The following DVL1 variants were observed in gnomAD, a reference collection of about 807,000 sequenced individuals.
DVL1 encodes the protein dishevelled segment polarity protein 1, also known as segment polarity protein dishevelled homolog DVL-1.
Under a neutral mutation model 65.0 loss-of-function variants are expected in DVL1, and 49 were observed. That is an observed-to-expected ratio of 0.75 (90% CI 0.60 to 0.96). The LOEUF is 0.96. Ranked by LOEUF, DVL1 falls within the 40% of genes least tolerant of loss-of-function variation. DVL1 has a pLI of 0.00. For synonymous variants in DVL1, 608 were observed against 433.9 expected (o/e 1.40, Z -4.99); for missense variants, 1,197 against 1,045.4 (o/e 1.15, Z -2.00).
chr1:1,339,730 C>G lies in DVL1; in HGVS notation c.986+6G>C. 1 of 1,613,124 alleles carries G rather than the reference C, an allele frequency of 6.2e-7. No individual in the cohort carries two copies. The highest frequency in any genetic ancestry group is 8.5e-7 in the Non-Finnish European group (1 of 1,179,914). Reference sequence around the variant, plus strand: ...CCCCTCCCGCTCCAGCGCCCCCAGCCCTCACCCCGTCTGGGAAACGATCTC... The same window carrying G: ...CCCCTCCCGCTCCAGCGCCCCCAGCGCTCACCCCGTCTGGGAAACGATCTC... On this transcript the variant is annotated splice_donor_region_variant and intron_variant, in intron 9 of 14. Coordinates refer to ENST00000378888, the MANE Select transcript of DVL1 (RefSeq NM_001330311.2).
Position 1,341,689 on chromosome 1 carries a change from C to A in DVL1, c.583G>T (p.Asp195Tyr). ...ELESSSFVDS[D>Y]EDGSTSRLSS... ...CACCTGCTCGTGCTGCCATCCTCGT[C>A]CGAGTCCACAAAGCTGCTGGACTCA... The change falls in exon 5 of 15, where the codon GAC becomes TAC. Residue 195 changes from aspartate (D) to tyrosine (Y), a missense_variant. Coordinates refer to ENST00000378888, the MANE Select transcript of DVL1 (RefSeq NM_001330311.2). 1 of 1,609,096 alleles carries A rather than the reference C, an allele frequency of 6.2e-7. No individual in the cohort carries two copies. Among genetic ancestry groups the A allele is most frequent in the South Asian group, 1.1e-5 (1 of 90,926 alleles).
intron 14 of DVL1, among the ~76,000 whole-genome samples, chr1:1,337,388 C>T (rs1222547256): frequency 2.6e-5 from 4 of 152,164 alleles, no homozygotes; most frequent in Non-Finnish European, 5.9e-5. Context: ...TCTGGATCCC[C>T]GGCCCCTAAA....
At chr1:1,339,515 G>A (rs1360703540) in intron 10 of DVL1, 67 bp downstream of exon 10, 2 of 1,552,874 alleles carry the variant, frequency 1.3e-6, no homozygotes, top group South Asian at 1.2e-5. Context: ...GCACAGAGGA[G>A]AGAGGCCTTC....
intron 1 of DVL1, among the ~76,000 whole-genome samples, chr1:1,347,195 C>T (rs1029375196): frequency 1.3e-5 from 2 of 152,086 alleles, no homozygotes; most frequent in African/African-American, 4.8e-5. Context: ...CACAGCCCAG[C>T]CCAGCCCAGC....
intron 1 of DVL1, among the ~76,000 whole-genome samples, chr1:1,347,758 A>G (rs1643939556): frequency 6.6e-6 from 1 of 152,156 alleles, no homozygotes; most frequent in African/African-American, 2.4e-5. Flanking sequence ...CCTCCTGCCC[A>G]ACCTGACCGG....
In DVL1 at chr1:1,349,368, G is replaced by C. The variant is rs1198409565; in HGVS notation, c.-303C>G. On this transcript the variant is annotated 5_prime_UTR_variant, in exon 1 of 15. Transcript: ENST00000378888. The surrounding 1 kb of genome is among the most constrained non-coding windows in gnomAD (Gnocchi z 4.1). ...CGCCGCCCTCCCGCCTGCGCCCCTC[G>C]GGCCGCGCCGTTAAAGGGACCGCCC... The C allele has an allele frequency of 1.4e-5, 2 of 145,510 alleles. No homozygotes were observed. Among genetic ancestry groups the C allele is most frequent in the Non-Finnish European group, 1.5e-5 (1 of 65,504 alleles). 9.0% of individuals were successfully genotyped at this position (145,510 alleles called of 1,614,324 possible).
Position 1,335,363 on chromosome 1 carries a change from A to T in DVL1, c.*779T>A, listed in dbSNP as rs1221950124. The T allele has an allele frequency of 6.6e-6, 1 of 152,296 alleles. No homozygotes were observed. The highest frequency in any genetic ancestry group is 2.4e-5 in the African/African-American group (1 of 41,456). 9.4% of individuals were successfully genotyped at this position (152,296 alleles called of 1,614,324 possible). On this transcript the variant is annotated 3_prime_UTR_variant, in exon 15 of 15. Coordinates refer to ENST00000378888, the MANE Select transcript of DVL1 (RefSeq NM_001330311.2). Reference sequence around the variant, plus strand: ...CTATGTTAACCATCTAAACGCTGGGACTTTGATACAGTATCTACAGCACAG... The same window carrying T: ...CTATGTTAACCATCTAAACGCTGGGTCTTTGATACAGTATCTACAGCACAG...
intron 1 of DVL1, among the ~76,000 whole-genome samples, chr1:1,347,875 G>C (rs1643942006): frequency 1.3e-5 from 2 of 152,210 alleles, no homozygotes; most frequent in African/African-American, 4.8e-5. Flanking sequence ...GGTGGGGAAG[G>C]AAAGTACAGC....
chr1:1,335,862 T>G lies in DVL1; in HGVS notation c.*280A>C. The G allele has an allele frequency of 1.9e-6, 1 of 513,750 alleles. No homozygotes were observed. Among genetic ancestry groups the G allele is most frequent in the South Asian group, 2.4e-5 (1 of 41,646 alleles). The allele number at this position is 513,750 out of a possible 1,614,324, so 31.8% of individuals were successfully genotyped here. A position where few individuals can be genotyped will look rare whatever the true frequency, so the allele number is the denominator to read the frequency against. On this transcript the variant is annotated 3_prime_UTR_variant, in exon 15 of 15. Coordinates refer to ENST00000378888, the MANE Select transcript of DVL1 (RefSeq NM_001330311.2). ...GGGGTCAGCCGAGAGCCCGAGGGGG[T>G]CTTCCTCATCCCAGGAGGGATCCCC... is the stretch of plus-strand genomic sequence containing the variant.
intron 14 of DVL1, chr1:1,337,621 A>G: frequency 2.3e-6 from 1 of 440,018 alleles, no homozygotes; most frequent in Admixed American, 3.4e-5. Flanking sequence ...CACCCCTACC[A>G]GGCACAGCCG....
chr1:1,345,658 C>T (rs1035364989), intron 1 of DVL1, among the ~76,000 whole-genome samples: 5 of 152,174 alleles, frequency 3.3e-5, no homozygotes, highest in Non-Finnish European at 7.4e-5. Context: ...GAGGCAGCGC[C>T]CTGGGAGCCA....
intron 14 of DVL1, 193 bp downstream of exon 14, chr1:1,337,784 C>A: frequency 1.4e-6 from 1 of 708,662 alleles, no homozygotes; most frequent in Admixed American, 2.0e-5. Flanking sequence ...AAGGAGCCCA[C>A]CCAGGGCCCA....
At chr1:1,340,891 GCACACGCACGCATGAA>G (rs1009560593) in intron 5 of DVL1, among the ~76,000 whole-genome samples, 21 of 130,012 alleles carry the variant, frequency 1.6e-4, no homozygotes, top group Non-Finnish European at 3.0e-4. Context: ...GCACACCCCT[GCACACGCACGCATGAA>G]CACACGCACA....
rs575382437 is a variant in DVL1 at position 1,342,899 on chromosome 1, G to A, written c.171-141C>T. The A allele has an allele frequency of 2.7e-3, 2,065 of 768,120 alleles. 5 individuals are homozygous for A. Among genetic ancestry groups the A allele is most frequent in the Non-Finnish European group, 3.4e-3 (1,655 of 485,928 alleles). The allele number at this position is 768,120 out of a possible 1,614,324, so 47.6% of individuals were successfully genotyped here. A position where few individuals can be genotyped will look rare whatever the true frequency, so the allele number is the denominator to read the frequency against. On this transcript the variant is annotated intron_variant, in intron 1 of 14. Coordinates refer to ENST00000378888, the MANE Select transcript of DVL1 (RefSeq NM_001330311.2). ...CCCTGCTAGCGCATTCTCCTCTTGG[G>A]AACCGTCCTTCCTCTCCGTCACATC...
chr1:1,339,851 G>A (rs1383948112), intron 8 of DVL1, 39 bp from the exon 9 acceptor site: 1 of 1,600,324 alleles, frequency 6.2e-7, no homozygotes, highest in Non-Finnish European at 8.5e-7. Flanking sequence ...GGCAGGATGT[G>A]CAGCTCAGTC....
chr1:1,338,668 C>G lies in DVL1; in HGVS notation c.1208-15G>C, dbSNP rs767119124. On this transcript the variant is annotated splice_polypyrimidine_tract_variant and intron_variant, in intron 11 of 14. Transcript: ENST00000378888. ...CTCTTCCAGCTCTGCAAAGCACAGA[C>G]AGCCCCGCTTCAGCCCCAGCATCTG... The G allele has an allele frequency of 6.2e-7, 1 of 1,605,374 alleles. No homozygotes were observed. Among genetic ancestry groups the G allele is most frequent in the South Asian group, 1.1e-5 (1 of 90,956 alleles).
chr1:1,336,538 G>A (rs1385479430), intron 14 of DVL1, 23 bp from the exon 15 acceptor site: 3 of 1,490,386 alleles, frequency 2.0e-6, no homozygotes, highest in African/African-American at 2.9e-5. Context: ...ACAGGATGGG[G>A]AAGGAGCCTG....
intron 1 of DVL1, among the ~76,000 whole-genome samples, chr1:1,346,288 A>C (rs1161742101): frequency 6.6e-6 from 1 of 151,964 alleles, no homozygotes; most frequent in Admixed American, 6.6e-5. Context: ...GCCTCCACCC[A>C]TCCCCCAGTC....
chr1:1,341,590 G>GCA, intron 5 of DVL1, 77 bp downstream of exon 5: 1 of 839,976 alleles, frequency 1.2e-6, no homozygotes, highest in South Asian at 1.5e-5. Context: ...AACACCTCAT[G>GCA]CAGACACATG....
Sources: allele counts gnomAD v4.1 joint callset (sites outside exome capture counted in the v4.1 genomes callset), GRCh38; gene constraint gnomAD v4.1.1; non-coding constraint Gnocchi (gnomAD v3.1); transcripts MANE v1.5; gene names NCBI Gene and HGNC (gene_info 2026-07-23, HGNC 2026-07-21).